The following MYOF variants were observed in gnomAD, a reference collection of about 807,000 sequenced individuals.
The protein encoded by MYOF is fer-1-like 3, myoferlin.
Under a neutral mutation model 284.2 loss-of-function variants are expected in MYOF, and 244 were observed. The observed-to-expected ratio is 0.86, with a 90% CI of 0.77 to 0.95. The LOEUF (loss-of-function observed/expected upper bound fraction) is 0.95, where lower values mean the gene tolerates loss of function less well. Among genes scored for constraint, MYOF ranks in the 40% least tolerant of loss-of-function variants. MYOF has a pLI of 0.00. For missense variants in MYOF, 2,496 were observed against 2,560.6 expected (o/e 0.97, Z 0.54); for synonymous variants, 904 against 919.7 (o/e 0.98, Z 0.31).
intron 3 of MYOF, among the ~76,000 whole-genome samples, chr10:93,439,107 C>T (rs1175329245): frequency 1.3e-5 from 2 of 152,172 alleles, no homozygotes; most frequent in Non-Finnish European, 2.9e-5. Flanking sequence ...GCACGATTTT[C>T]GTGGCCAGCA....
intron 1 of MYOF, among the ~76,000 whole-genome samples, chr10:93,476,432 A>G (rs534832626): frequency 1.6e-4 from 25 of 151,724 alleles, no homozygotes; most frequent in African/African-American, 5.8e-4. Context: ...TTCTATTTTT[A>G]GTAGAGATGG....
chr10:93,374,056 C>A (rs554369615), intron 23 of MYOF, among the ~76,000 whole-genome samples: 1 of 152,240 alleles, frequency 6.6e-6, no homozygotes, highest in South Asian at 2.1e-4. Flanking sequence ...GTTCCCCACC[C>A]TGTGTCCAAA....
At chr10:93,422,649 A>T (rs1445990516) in intron 5 of MYOF, among the ~76,000 whole-genome samples, 1 of 152,126 alleles carries the variant, frequency 6.6e-6, no homozygotes, top group African/African-American at 2.4e-5. Flanking sequence ...ATACAAAATT[A>T]GCCGGGCATA....
intron 37 of MYOF, among the ~76,000 whole-genome samples, 162 bp from the exon 38 acceptor site, chr10:93,344,094 C>A (rs996429260): frequency 1.3e-5 from 2 of 152,118 alleles, no homozygotes; most frequent in Admixed American, 6.5e-5. Flanking sequence ...AGAAAATAAA[C>A]CAACAATCCA....
intron 5 of MYOF, among the ~76,000 whole-genome samples, chr10:93,415,928 G>T (rs971862467): frequency 6.6e-6 from 1 of 152,046 alleles, no homozygotes; most frequent in African/African-American, 2.4e-5. Flanking sequence ...GCCCCTCTTG[G>T]GAGCAAACTC....
At chr10:93,357,248 G>GA (rs1036025875) in intron 29 of MYOF, among the ~76,000 whole-genome samples, 4 of 152,136 alleles carry the variant, frequency 2.6e-5, no homozygotes, top group African/African-American at 9.7e-5. Context: ...ACATATGTAG[G>GA]AAAAAAATTA....
At chr10:93,379,823 C>A in intron 21 of MYOF, 40 bp downstream of exon 21, 1 of 1,610,276 alleles carries the variant, frequency 6.2e-7, no homozygotes, top group South Asian at 1.1e-5. Flanking sequence ...CTAATTCACC[C>A]TGCTTGGTGA....
chr10:93,331,744 G>C (rs1271079071), intron 43 of MYOF, among the ~76,000 whole-genome samples: 4 of 152,114 alleles, frequency 2.6e-5, no homozygotes, highest in Non-Finnish European at 5.9e-5. Context: ...GCATGTATGT[G>C]TGTGTGACAC....
intron 41 of MYOF, 28 bp from the exon 42 acceptor site, chr10:93,333,941 A>G (rs1291803145): frequency 5.6e-6 from 9 of 1,606,834 alleles, no homozygotes; most frequent in South Asian, 2.2e-5. Flanking sequence ...AAGGACTCAC[A>G]GGGCCCTGGG....
chr10:93,452,473 G>A (rs1298759685), intron 2 of MYOF, among the ~76,000 whole-genome samples: 1 of 147,568 alleles, frequency 6.8e-6, no homozygotes, highest in Non-Finnish European at 1.5e-5. Context: ...AATGCAGGGT[G>A]TTGTTCTCAC....
chr10:93,335,692 C>A (rs1048188389), intron 41 of MYOF, among the ~76,000 whole-genome samples: 1 of 150,950 alleles, frequency 6.6e-6, no homozygotes, highest in Non-Finnish European at 1.5e-5. Flanking sequence ...AGTGCTCTGG[C>A]CCCCCTCCCC....
intron 6 of MYOF, 137 bp downstream of exon 6, chr10:93,409,436 G>A: frequency 9.3e-7 from 1 of 1,079,588 alleles, no homozygotes; most frequent in East Asian, 2.4e-5. Flanking sequence ...TTTCTTACTG[G>A]GTTTATACAC....
At chr10:93,430,531 G>A (rs7917612) in intron 4 of MYOF, among the ~76,000 whole-genome samples, 1 of 148,050 alleles carries the variant, frequency 6.8e-6, no homozygotes, top group African/African-American at 2.5e-5. Flanking sequence ...GCAGTGAGCC[G>A]AGATCATGCC....
chr10:93,478,363 GC>G (rs1390721770), intron 1 of MYOF: 1 of 173,098 alleles, frequency 5.8e-6, no homozygotes, highest in Non-Finnish European at 1.2e-5. Context: ...TTCGGATCTG[GC>G]TCATGGAACC....
intron 1 of MYOF, among the ~76,000 whole-genome samples, chr10:93,467,536 C>T (rs551409582): frequency 2.0e-5 from 3 of 152,188 alleles, no homozygotes; most frequent in South Asian, 4.1e-4. Context: ...GGACTGTAAA[C>T]TAGTTCAACC....
chr10:93,393,433 C>T (rs532205784), intron 16 of MYOF, among the ~76,000 whole-genome samples: 40 of 152,182 alleles, frequency 2.6e-4, no homozygotes, highest in Admixed American at 6.5e-4. Flanking sequence ...GTTGACAGCT[C>T]GTTGTTATTT....
chr10:93,459,176 C>T (rs778564950), intron 1 of MYOF, among the ~76,000 whole-genome samples: 7 of 152,206 alleles, frequency 4.6e-5, no homozygotes, highest in Admixed American at 6.5e-5. Context: ...CCCCTAGACG[C>T]TGTCCAGAAA....
At chr10:93,396,384 T>C (rs1847012864) in intron 15 of MYOF, among the ~76,000 whole-genome samples, 160 bp from the exon 16 acceptor site, 1 of 152,216 alleles carries the variant, frequency 6.6e-6, no homozygotes, top group Non-Finnish European at 1.5e-5. Context: ...TTTATTGTAC[T>C]TAGTAATCAA....
intron 19 of MYOF, 51 bp from the exon 20 acceptor site, chr10:93,381,447 T>C (rs567880414): frequency 3.2e-6 from 5 of 1,578,742 alleles, no homozygotes; most frequent in East Asian, 2.2e-5. Flanking sequence ...TTTGTTCTTA[T>C]TTACATGTGG....
Sources: allele counts gnomAD v4.1 joint callset (sites outside exome capture counted in the v4.1 genomes callset), GRCh38; gene constraint gnomAD v4.1.1; transcripts MANE v1.5; gene names NCBI Gene and HGNC (gene_info 2026-07-23, HGNC 2026-07-21).